NRXN1: variants seen among roughly 807,000 people sequenced by gnomAD.
NRXN1 encodes neurexin-1.
NRXN1 carries 39 observed loss-of-function variants against 150.9 expected under a neutral mutation model. The observed-to-expected ratio is 0.26, with a 90% CI of 0.20 to 0.34. The LOEUF is 0.34. NRXN1 is among the 10% of genes least tolerant of loss of function. The pLI is 1.00. For synonymous variants in NRXN1, 924 were observed against 757.0 expected (o/e 1.22, Z -3.62); for missense variants, 1,815 against 1,949.9 (o/e 0.93, Z 1.30).
Position 50,496,050 on chromosome 2 carries a change from G to T in NRXN1, c.2925C>A (p.Ile975=), listed in dbSNP as rs1198721887. Residue 975 remains isoleucine, a synonymous_variant, in exon 15 of 23, where the codon ATC becomes ATA. Transcript: ENST00000401669. ...VFDLGNGANL[I]KGSSNKPLND... Reference sequence around the variant, plus strand: ...TGAGAGGTTTATTTGAGCTTCCTTTGATGAGGTTAGCACCATTTCCCAAAT... The same window carrying T: ...TGAGAGGTTTATTTGAGCTTCCTTTTATGAGGTTAGCACCATTTCCCAAAT... The T allele has an allele frequency of 1.2e-6, 2 of 1,611,740 alleles. No individual in the cohort carries two copies. Among genetic ancestry groups the T allele is most frequent in the Non-Finnish European group, 1.7e-6 (2 of 1,178,786 alleles).
At chr2:50,521,438 T>G (rs774183864) in intron 12 of NRXN1, among the ~76,000 whole-genome samples, 2 of 152,194 alleles carry the variant, frequency 1.3e-5, no homozygotes, top group Non-Finnish European at 2.9e-5. Context: ...ACATTAAAAA[T>G]AAAGTAATTT....
intron 6 of NRXN1, among the ~76,000 whole-genome samples, chr2:50,621,525 A>G (rs560176802): frequency 3.9e-5 from 6 of 152,296 alleles, no homozygotes; most frequent in African/African-American, 1.4e-4. Flanking sequence ...ATTTGCTACT[A>G]GACAGAAACA....
At chr2:50,314,150 C>G (rs2075402971) in intron 17 of NRXN1, among the ~76,000 whole-genome samples, 1 of 152,016 alleles carries the variant, frequency 6.6e-6, no homozygotes, top group Admixed American at 6.6e-5. Flanking sequence ...AATGGAAGAT[C>G]TTAATCTTTG....
At chr2:50,881,183 T>C (rs1012175845) in intron 5 of NRXN1, among the ~76,000 whole-genome samples, 4 of 151,936 alleles carry the variant, frequency 2.6e-5, no homozygotes, top group Non-Finnish European at 4.4e-5. Context: ...CTTAAAAGCA[T>C]AATACGTTAA....
intron 17 of NRXN1, among the ~76,000 whole-genome samples, chr2:50,378,976 G>A (rs1337633667): frequency 1.3e-5 from 2 of 152,132 alleles, no homozygotes; most frequent in African/African-American, 4.8e-5. Context: ...TTTCCAGAGA[G>A]ATTATGGACC....
rs2103987181 is a variant in NRXN1, at chr2:49,921,476, T to C, written c.*468A>G. ...CGGCAAACTCTTAAAGGTTTGCAGG[T>C]TGAGTCACTCAAAAGGACAGTCTTC... On this transcript the variant is annotated 3_prime_UTR_variant, in exon 23 of 23. Coordinates refer to ENST00000401669, the MANE Select transcript of NRXN1 (RefSeq NM_001330078.2). 1 of 155,526 alleles carries C rather than the reference T, an allele frequency of 6.4e-6. No individual in the cohort carries two copies. The highest frequency in any genetic ancestry group is 1.9e-4 in the East Asian group (1 of 5,250). The allele number at this position is 155,526 out of a possible 1,614,324, so 9.6% of individuals were successfully genotyped here.
intron 17 of NRXN1, among the ~76,000 whole-genome samples, chr2:50,351,939 T>C (rs1037259619): frequency 3.3e-5 from 5 of 152,134 alleles, no homozygotes; most frequent in African/African-American, 1.2e-4. Context: ...GCCTACTCAT[T>C]AATAAATGTC....
At chr2:50,989,786 T>G (rs1698271730) in intron 2 of NRXN1, among the ~76,000 whole-genome samples, 1 of 152,052 alleles carries the variant, frequency 6.6e-6, no homozygotes, top group Non-Finnish European at 1.5e-5. Flanking sequence ...ATTTCTGGTA[T>G]GGATGTAGAG....
chr2:50,901,591 T>A (rs948679748), intron 5 of NRXN1, among the ~76,000 whole-genome samples: 2 of 152,020 alleles, frequency 1.3e-5, no homozygotes, highest in Admixed American at 1.3e-4. Flanking sequence ...CTTTCAAAGT[T>A]CCCCACCTGG....
intron 18 of NRXN1, among the ~76,000 whole-genome samples, chr2:50,197,038 C>A (rs1454472796): frequency 6.6e-6 from 1 of 152,132 alleles, no homozygotes; most frequent in East Asian, 1.9e-4. Flanking sequence ...CAAATCTTCA[C>A]ATGTACCCCC....
At chr2:50,730,119 TGAA>T (rs1697909683) in intron 5 of NRXN1, among the ~76,000 whole-genome samples, 1 of 152,156 alleles carries the variant, frequency 6.6e-6, no homozygotes, top group South Asian at 2.1e-4. Context: ...AGGATGACAT[TGAA>T]GAAGAGTTTT....
At chr2:50,009,454 C>A (rs1685294091) in intron 21 of NRXN1, among the ~76,000 whole-genome samples, 1 of 152,134 alleles carries the variant, frequency 6.6e-6, no homozygotes, top group African/African-American at 2.4e-5. Flanking sequence ...TGGAAAGGGA[C>A]ACCCCACCTT....
At chr2:50,174,575 T>C (rs1043299886) in intron 18 of NRXN1, 4 of 152,158 alleles carry the variant, frequency 2.6e-5, no homozygotes, top group Non-Finnish European at 4.4e-5. Flanking sequence ...ATTAACGTCA[T>C]AGCACAGCAC....
chr2:50,785,587 T>C (rs1480626910), intron 5 of NRXN1, among the ~76,000 whole-genome samples: 6 of 152,104 alleles, frequency 3.9e-5, no homozygotes, highest in Non-Finnish European at 5.9e-5. Context: ...TGGTGATACT[T>C]TGTTATGGCA....
chr2:50,267,166 T>C (rs762505613), intron 17 of NRXN1, among the ~76,000 whole-genome samples: 4 of 152,172 alleles, frequency 2.6e-5, no homozygotes, highest in Non-Finnish European at 5.9e-5. Context: ...GAATAAAGCA[T>C]ATAAGAAAGG....
At chr2:50,681,055 G>A (rs1340169368) in intron 5 of NRXN1, among the ~76,000 whole-genome samples, 1 of 152,124 alleles carries the variant, frequency 6.6e-6, no homozygotes. Context: ...GTAACCTCAA[G>A]GAACTTATTC....
chr2:50,445,447 A>T (rs2086318379), intron 17 of NRXN1, among the ~76,000 whole-genome samples: 1 of 152,208 alleles, frequency 6.6e-6, no homozygotes, highest in Non-Finnish European at 1.5e-5. Flanking sequence ...ACAATTTACA[A>T]GGAGGCTGTG....
intron 18 of NRXN1, among the ~76,000 whole-genome samples, chr2:50,203,364 T>G (rs1445248048): frequency 6.6e-6 from 1 of 152,208 alleles, no homozygotes; most frequent in Non-Finnish European, 1.5e-5. Flanking sequence ...ACATGGGTCT[T>G]TACATTCTTG....
intron 19 of NRXN1, among the ~76,000 whole-genome samples, chr2:50,080,106 C>T (rs549852079): frequency 5.3e-5 from 8 of 152,118 alleles, no homozygotes; most frequent in East Asian, 1.9e-4. Context: ...AGTGTATCCA[C>T]GTTATATAGT....
Sources: gnomAD v4.1 joint callset for allele counts (sites outside exome capture counted in the v4.1 genomes callset) on GRCh38, gnomAD v4.1.1 for gene constraint, MANE v1.5 for transcripts, NCBI Gene and HGNC (gene_info 2026-07-23, HGNC 2026-07-21) for gene names.